The following ALK variants were observed in gnomAD, a reference collection of about 807,000 sequenced individuals.
ALK encodes ALK receptor tyrosine kinase, also known as ALK tyrosine kinase receptor.
Under a neutral mutation model 163.1 loss-of-function variants are expected in ALK, and 74 were observed. That is an observed-to-expected ratio of 0.45 (90% CI 0.38 to 0.55). ALK has a LOEUF of 0.55. ALK is among the 20% of genes least tolerant of loss of function. ALK has a pLI of 0.00. For synonymous variants in ALK, 960 were observed against 843.2 expected (o/e 1.14, Z -2.40); for missense variants, 2,063 against 2,105.3 (o/e 0.98, Z 0.39).
At chr2:29,634,060 G>C (rs1177807355) in intron 3 of ALK, among the ~76,000 whole-genome samples, 1 of 151,986 alleles carries the variant, frequency 6.6e-6, no homozygotes, top group African/African-American at 2.4e-5. Flanking sequence ...TTTAGAGAAA[G>C]AGTCTCACTA....
chr2:29,893,413 T>C (rs1667195146), intron 1 of ALK, among the ~76,000 whole-genome samples: 1 of 152,206 alleles, frequency 6.6e-6, no homozygotes, highest in South Asian at 2.1e-4. Flanking sequence ...CCATTATTCT[T>C]TTCTTCTTAT....
At chr2:29,900,034 T>C (rs1312183538) in intron 1 of ALK, among the ~76,000 whole-genome samples, 1 of 152,196 alleles carries the variant, frequency 6.6e-6, no homozygotes, top group Non-Finnish European at 1.5e-5. Context: ...CGCCTCTTCA[T>C]TGACCTAAAA....
rs919988064 is a variant in ALK at position 29,197,794 on chromosome 2, C to G, written c.3939-118G>C. On this transcript the variant is annotated intron_variant, in intron 26 of 28. Transcript: ENST00000389048. The stretch of plus-strand genomic sequence containing the variant: ...TTTTTTTCCCCCATTATACCCTTTT[C>G]CATAACATAGAACTCTTAAAATGTA... 8.0e-6 allele frequency: 7 copies of G among 878,586 alleles called. No individual in the cohort carries two copies. The African/African-American group carries it at 9.9e-5, about 12-fold the overall frequency. The allele number at this position is 878,586 out of a possible 1,614,324, so 54.4% of individuals were successfully genotyped here.
intron 3 of ALK, among the ~76,000 whole-genome samples, chr2:29,662,086 A>G (rs1440956231): frequency 6.6e-6 from 1 of 151,966 alleles, no homozygotes; most frequent in African/African-American, 2.4e-5. Context: ...ATTTGTTTGT[A>G]TTTTTAGCAG....
intron 1 of ALK, among the ~76,000 whole-genome samples, chr2:29,791,274 T>C (rs962150318): frequency 2.0e-5 from 3 of 152,094 alleles, no homozygotes; most frequent in African/African-American, 7.2e-5. Flanking sequence ...ATGTGGCACA[T>C]ATACACCATG....
At chr2:29,838,836 G>C (rs1174049558) in intron 1 of ALK, among the ~76,000 whole-genome samples, 1 of 152,156 alleles carries the variant, frequency 6.6e-6, no homozygotes, top group East Asian at 1.9e-4. Context: ...ATAGGGAAGA[G>C]GGTTATGCAG....
chr2:29,299,488 C>A (rs1666304982), intron 8 of ALK, among the ~76,000 whole-genome samples: 1 of 152,194 alleles, frequency 6.6e-6, no homozygotes, highest in African/African-American at 2.4e-5. Flanking sequence ...CTGTTTTTAC[C>A]ACTTTGGCCT....
intron 1 of ALK, among the ~76,000 whole-genome samples, chr2:29,763,122 T>A (rs1680758668): frequency 6.7e-6 from 1 of 150,070 alleles, no homozygotes; most frequent in Non-Finnish European, 1.5e-5. Flanking sequence ...GACTCTGAAG[T>A]CAGATGACCT....
intron 3 of ALK, among the ~76,000 whole-genome samples, chr2:29,594,547 G>A (rs558117397): frequency 8.7e-5 from 13 of 150,144 alleles, no homozygotes; most frequent in Non-Finnish European, 1.6e-4. Flanking sequence ...TCCTGCCTCC[G>A]CCTCCTGAGT....
At chr2:29,539,533 T>C (rs1673355864) in intron 3 of ALK, among the ~76,000 whole-genome samples, 1 of 152,198 alleles carries the variant, frequency 6.6e-6, no homozygotes, top group Non-Finnish European at 1.5e-5. Flanking sequence ...AAAAGGTTTG[T>C]AATCAGCTAC....
At chr2:29,811,417 T>A (rs2148371723) in intron 1 of ALK, among the ~76,000 whole-genome samples, 1 of 152,298 alleles carries the variant, frequency 6.6e-6, no homozygotes, top group South Asian at 2.1e-4. Flanking sequence ...GTCATCATAA[T>A]GTCAAGCTTA....
intron 3 of ALK, among the ~76,000 whole-genome samples, chr2:29,595,938 G>A (rs13424217): frequency 1.5e-3 from 226 of 152,308 alleles, no homozygotes; most frequent in African/African-American, 5.1e-3. Context: ...ATAAGGTGTC[G>A]TGCTCCAGTA....
intron 1 of ALK, among the ~76,000 whole-genome samples, chr2:29,852,186 C>A (rs1357428386): frequency 6.6e-6 from 1 of 152,162 alleles, no homozygotes; most frequent in Admixed American, 6.5e-5. Context: ...TTGGAAGAGG[C>A]TATGCTAAGG....
chr2:29,234,304 G>A lies in ALK; in HGVS notation c.2356-608C>T, dbSNP rs1490472999. On this transcript the variant is annotated intron_variant, in intron 13 of 28. Transcript: ENST00000389048. ...CAGTGTGATCATGGCTAGAGGCCTT[G>A]AAGGCACTGCAAGGAGTGGACTTCA... Among the ~76,000 whole-genome samples the A allele has an allele frequency of 2.0e-5, 3 of 152,168 alleles. No homozygotes were observed. The East Asian group carries it at 5.8e-4, about 29-fold the overall frequency.
chr2:29,301,634 C>T (rs1332648110), intron 8 of ALK, among the ~76,000 whole-genome samples: 1 of 152,184 alleles, frequency 6.6e-6, no homozygotes, highest in Non-Finnish European at 1.5e-5. Flanking sequence ...TGGCTATATT[C>T]TAAACTGCCC....
In ALK at chr2:29,567,968, T is replaced by C. The variant is rs764659973; in HGVS notation, c.953-35852A>G. On this transcript the variant is annotated intron_variant, in intron 3 of 28. Transcript: ENST00000389048. ...AAAAATGGACTTTAATAACAGAACATTGAGAGAAATGACACAGAGATGATT... is the reference window on the plus strand; with the variant it reads ...AAAAATGGACTTTAATAACAGAACACTGAGAGAAATGACACAGAGATGATT... Among the ~76,000 whole-genome samples, 44 of 152,286 alleles carry C rather than the reference T, an allele frequency of 2.9e-4. 1 individual carries two copies. In the Middle Eastern group the frequency reaches 0.017, roughly 59 times the overall value.
chr2:29,232,296 C>T lies in ALK; in HGVS notation c.2632+8G>A, dbSNP rs199653862. ...GTTCTGGGAGAGGGCACGCTTGCAG[C>T]GCTTTACCTGCGGCTCCGGAATTGC... On this transcript the variant is annotated splice_region_variant and intron_variant, in intron 15 of 28. Coordinates refer to ENST00000389048, the MANE Select transcript of ALK (RefSeq NM_004304.5). 101 of 1,614,158 alleles carry T rather than the reference C, an allele frequency of 6.3e-5. No homozygotes were observed. In the Admixed American group the frequency reaches 1.0e-3, roughly 16 times the overall value.
chr2:29,912,086 A>G (rs1187930683), intron 1 of ALK, among the ~76,000 whole-genome samples: 1 of 152,200 alleles, frequency 6.6e-6, no homozygotes, highest in Admixed American at 6.5e-5. Flanking sequence ...AAAGAGAAAA[A>G]TTTCAAAAAA....
intron 1 of ALK, among the ~76,000 whole-genome samples, chr2:29,891,254 C>G (rs1667136998): frequency 6.6e-6 from 1 of 152,158 alleles, no homozygotes; most frequent in Non-Finnish European, 1.5e-5. Flanking sequence ...GGCTCATCTT[C>G]TTCAAGAGTG....
Sources: allele counts gnomAD v4.1 joint callset (sites outside exome capture counted in the v4.1 genomes callset), GRCh38; gene constraint gnomAD v4.1.1; transcripts MANE v1.5; gene names NCBI Gene and HGNC (gene_info 2026-07-23, HGNC 2026-07-21).